The following SCO1 variants were observed in gnomAD, a reference collection of about 807,000 sequenced individuals.
SCO1 encodes the protein cytochrome c oxidase assembly factor SCO1.
A neutral mutation model predicts 34.0 loss-of-function variants in SCO1; 23 were observed. That is an observed-to-expected ratio of 0.68 (90% CI 0.49 to 0.96). The LOEUF (loss-of-function observed/expected upper bound fraction) is 0.96. Among genes scored for constraint, SCO1 ranks in the 40% least tolerant of loss-of-function variants. The probability of loss-of-function intolerance (pLI) is 0.00; values close to 1 mark genes in which losing one functional copy is unlikely to be tolerated. For missense variants in SCO1, 404 were observed against 381.6 expected, an observed-to-expected ratio of 1.06 and a Z score of -0.49; for synonymous variants, 161 against 145.5, an observed-to-expected ratio of 1.11 and a Z score of -0.77.
At position 10,686,828 on chromosome 17, in the gene SCO1, G is replaced by C. The variant is rs758261444; in HGVS notation, c.670C>G (p.Leu224Val). 5.0e-6 allele frequency: 8 copies of C among 1,612,422 alleles called. No individual in the cohort carries two copies. Among genetic ancestry groups the C allele is most frequent in the African/African-American group, 1.3e-5 (1 of 74,900 alleles). The change falls in exon 5 of 6, where the codon CTG (leucine) becomes GTG (valine). Residue 224 changes from leucine to valine, a missense_variant. Transcript: ENST00000255390. ...TCTCTCGTGCCAGTCAAGCCAACCA[G>C]TTTGGGAGAAAATTCTAAATAAAAA... ...ANYVKEFSPK[L>V]VGLTGTREEV...
At position 10,697,475 on chromosome 17, in the gene SCO1, A is replaced by C; in HGVS notation, c.33T>G (p.Val11=). 1 of 1,613,424 alleles carries C rather than the reference A, an allele frequency of 6.2e-7. No individual in the cohort carries two copies. The highest frequency in any genetic ancestry group is 8.5e-7 in the Non-Finnish European group (1 of 1,179,912). The part of the protein sequence containing the change: MAMLVLVPGR[V]MRPLGGQLWR... ...AAAGTTGGCCACCCAGAGGCCGCAT[A>C]ACTCGTCCGGGTACTAGGACCAGCA... The change falls in exon 1 of 6, where the codon GTT becomes GTG. Residue 11 remains valine, a synonymous_variant. Transcript: ENST00000255390.
chr17:10,684,726 C>T (rs2074644491), intron 5 of SCO1, among the ~76,000 whole-genome samples: 1 of 152,200 alleles, frequency 6.6e-6, no homozygotes, highest in South Asian at 2.1e-4. Context: ...GACTGATGAG[C>T]TCATCTATTC....
intron 5 of SCO1, among the ~76,000 whole-genome samples, chr17:10,685,143 A>C (rs571281421): frequency 6.6e-6 from 1 of 152,202 alleles, no homozygotes; most frequent in Non-Finnish European, 1.5e-5. Flanking sequence ...GAGACAAAGC[A>C]CTGCAGTGAG....
At chr17:10,693,068 A>C (rs1226965049) in intron 2 of SCO1, 107 bp from the exon 3 acceptor site, 9 of 865,670 alleles carry the variant, frequency 1.0e-5, no homozygotes, top group Non-Finnish European at 1.7e-5. Context: ...GTGGGGGCAC[A>C]AAATGTGGAA....
At chr17:10,694,871 T>C (rs2074712347) in intron 2 of SCO1, among the ~76,000 whole-genome samples, 1 of 152,188 alleles carries the variant, frequency 6.6e-6, no homozygotes, top group Non-Finnish European at 1.5e-5. Context: ...TGTATGTCAG[T>C]ACAAAACTTA....
intron 4 of SCO1, among the ~76,000 whole-genome samples, chr17:10,688,475 A>G (rs2136274): frequency 0.039 from 5,934 of 152,324 alleles, 377 homozygotes; most frequent in African/African-American, 0.13. Flanking sequence ...AGTGGCTAAA[A>G]TTAAAAAGAC....
At chr17:10,697,000 G>A (rs1168411159) in intron 1 of SCO1, among the ~76,000 whole-genome samples, 2 of 151,472 alleles carry the variant, frequency 1.3e-5, no homozygotes, top group African/African-American at 4.9e-5. Flanking sequence ...TCCAAGTCGG[G>A]GCATCCAGCC....
Position 10,678,418 on chromosome 17 carries a change from G to C in SCO1, c.*2701C>G, listed in dbSNP as rs2074596230. On this transcript the variant is annotated 3_prime_UTR_variant, in exon 6 of 6. Coordinates refer to ENST00000255390, the MANE Select transcript of SCO1 (RefSeq NM_004589.4). ...AAGCCTTTAAACTTGACACTAGAATGAAGAACAAATAAAAGTTTTCTCCAA... is the reference window on the plus strand; with the variant it reads ...AAGCCTTTAAACTTGACACTAGAATCAAGAACAAATAAAAGTTTTCTCCAA... 6.6e-6 allele frequency: 1 copy of C among 152,184 alleles called. No individual in the cohort carries two copies. The highest frequency in any genetic ancestry group is 6.5e-5 in the Admixed American group (1 of 15,276). 9.4% of individuals were successfully genotyped at this position (152,184 alleles called of 1,614,324 possible).
At chr17:10,690,877 A>G (rs929300277) in intron 4 of SCO1, among the ~76,000 whole-genome samples, 1 of 152,228 alleles carries the variant, frequency 6.6e-6, no homozygotes, top group Non-Finnish European at 1.5e-5. Flanking sequence ...AAATCCTGTC[A>G]TTTGTGGCAA....
At position 10,677,866 on chromosome 17, in the gene SCO1, C is replaced by T. The variant is rs2074592095; in HGVS notation, c.*3253G>A. ...GCGTGGTGGCTCACACCTGTAATCC[C>T]AGCACTTTGGGAGGCCGAGGCGGCG... On this transcript the variant is annotated 3_prime_UTR_variant, in exon 6 of 6. Transcript: ENST00000255390. The T allele has an allele frequency of 6.6e-6, 1 of 152,340 alleles. No individual in the cohort carries two copies. Among genetic ancestry groups the T allele is most frequent in the Non-Finnish European group, 1.5e-5 (1 of 68,160 alleles). The allele number at this position is 152,340 out of a possible 1,614,324, so 9.4% of individuals were successfully genotyped here.
Position 10,690,907 on chromosome 17 carries a change from T to A in SCO1, c.655+965A>T, listed in dbSNP as rs142540230. Among the ~76,000 whole-genome samples the A allele has an allele frequency of 1.5e-4, 23 of 152,282 alleles. No homozygotes were observed. In the East Asian group the frequency reaches 4.4e-3, roughly 29 times the overall value. ...TGGCAATGGAGATGAGCCTGGAGGA[T>A]ACTATTAATATGTTAAATGAAAAAA... On this transcript the variant is annotated intron_variant, in intron 4 of 5. Transcript: ENST00000255390.
chr17:10,681,210 T>TCACC lies in SCO1; in HGVS notation c.811_814dup (p.Glu272GlyfsTer2). 1 of 1,614,126 alleles carries TCACC rather than the reference T, an allele frequency of 6.2e-7. No individual in the cohort carries two copies. The highest frequency in any genetic ancestry group is 1.1e-5 in the South Asian group (1 of 91,090). On this transcript the variant is annotated stop_gained and frameshift_variant, in exon 6 of 6. Transcript: ENST00000255390. LOFTEE classifies it high-confidence loss of function. ...GTTCTGGCCAAAATAATCTAGAAAC[T>TCACC]CACCATCTGGTCCAATCAAGTACAT...
chr17:10,689,714 T>C (rs1237332970), intron 4 of SCO1, among the ~76,000 whole-genome samples: 1 of 152,134 alleles, frequency 6.6e-6, no homozygotes, highest in Non-Finnish European at 1.5e-5. Context: ...AAAACAATCC[T>C]AAAATTCCTA....
At chr17:10,688,159 T>C (rs149999400) in intron 4 of SCO1, among the ~76,000 whole-genome samples, 28 of 152,290 alleles carry the variant, frequency 1.8e-4, no homozygotes, top group Admixed American at 7.2e-4. Context: ...ACTGATAAAT[T>C]TGGACTTCAT....
At chr17:10,691,039 T>G (rs2074686454) in intron 4 of SCO1, among the ~76,000 whole-genome samples, 1 of 152,210 alleles carries the variant, frequency 6.6e-6, no homozygotes, top group African/African-American at 2.4e-5. Context: ...TGGAAAGGGT[T>G]GGGGAGGATA....
At position 10,679,132 on chromosome 17, in the gene SCO1, G is replaced by C. The variant is rs2074602727; in HGVS notation, c.*1987C>G. 6.6e-6 allele frequency: 1 copy of C among 152,240 alleles called. No homozygotes were observed. The highest frequency in any genetic ancestry group is 2.4e-5 in the African/African-American group (1 of 41,436). The allele number at this position is 152,240 out of a possible 1,614,324, so 9.4% of individuals were successfully genotyped here. On this transcript the variant is annotated 3_prime_UTR_variant, in exon 6 of 6. Transcript: ENST00000255390. Reference sequence around the variant, plus strand: ...GGCTAATTTTTGTATTTTTAGGAGAGAGACGACGTTTCACCATGTTGGCCA... The same window carrying C: ...GGCTAATTTTTGTATTTTTAGGAGACAGACGACGTTTCACCATGTTGGCCA...
chr17:10,687,080 G>C (rs1419643741), intron 4 of SCO1, among the ~76,000 whole-genome samples: 1 of 152,080 alleles, frequency 6.6e-6, no homozygotes, highest in Non-Finnish European at 1.5e-5. Flanking sequence ...GACCTGGAGG[G>C]AATATTTTCT....
At chr17:10,691,210 G>C (rs2074687361) in intron 4 of SCO1, among the ~76,000 whole-genome samples, 1 of 152,174 alleles carries the variant, frequency 6.6e-6, no homozygotes, top group Non-Finnish European at 1.5e-5. Flanking sequence ...ACCTCCGCCT[G>C]CCAGGTTCAC....
intron 5 of SCO1, among the ~76,000 whole-genome samples, chr17:10,682,228 AC>A (rs1250430357): frequency 1.3e-5 from 2 of 152,258 alleles, no homozygotes; most frequent in African/African-American, 4.8e-5. Context: ...GACTACAAAT[AC>A]CAAACTGGAG....
Sources: allele counts gnomAD v4.1 joint callset (sites outside exome capture counted in the v4.1 genomes callset), GRCh38; gene constraint gnomAD v4.1.1; transcripts MANE v1.5; gene names NCBI Gene and HGNC (gene_info 2026-07-23, HGNC 2026-07-21).